ARHGAP15: variants seen among roughly 807,000 people sequenced by gnomAD.
ARHGAP15 encodes the protein Rho GTPase activating protein 15.
ARHGAP15 carries 51 observed loss-of-function variants against 63.7 expected under a neutral mutation model. That is an observed-to-expected ratio of 0.80 (90% confidence interval 0.64 to 1.01). ARHGAP15 has a LOEUF of 1.01. ARHGAP15 is among the 50% of genes least tolerant of loss of function. ARHGAP15 has a pLI of 0.00. For missense variants in ARHGAP15, 560 were observed against 564.6 expected, an observed-to-expected ratio of 0.99 and a Z score of 0.08; for synonymous variants, 191 against 193.8, an observed-to-expected ratio of 0.99 and a Z score of 0.12.
chr2:143,576,418 TA>T (rs1183508188), intron 11 of ARHGAP15, among the ~76,000 whole-genome samples: 1 of 152,090 alleles, frequency 6.6e-6, no homozygotes, highest in Non-Finnish European at 1.5e-5. Flanking sequence ...GATCCATCCA[TA>T]ATGGATCACA....
chr2:143,686,475 C>T (rs1289050188), intron 12 of ARHGAP15, among the ~76,000 whole-genome samples: 1 of 148,548 alleles, frequency 6.7e-6, no homozygotes, highest in Non-Finnish European at 1.5e-5. Context: ...AGGAATCCCA[C>T]TGTAATATGC....
chr2:143,606,802 G>C (rs918363162), intron 11 of ARHGAP15: 11 of 152,314 alleles, frequency 7.2e-5, no homozygotes, highest in African/African-American at 2.6e-4. Flanking sequence ...AGAAGCCAAA[G>C]GACCTGTGAT....
chr2:143,493,642 C>T (rs1692684211), intron 9 of ARHGAP15, among the ~76,000 whole-genome samples: 1 of 152,114 alleles, frequency 6.6e-6, no homozygotes, highest in South Asian at 2.1e-4. Context: ...CCACTCCTTG[C>T]TTTTTTCCCC....
At chr2:143,465,135 C>T (rs1015776027) in intron 8 of ARHGAP15, among the ~76,000 whole-genome samples, 1 of 152,038 alleles carries the variant, frequency 6.6e-6, no homozygotes, top group Non-Finnish European at 1.5e-5. Flanking sequence ...CCTTAACCTC[C>T]TCCTGTTTTT....
intron 6 of ARHGAP15, among the ~76,000 whole-genome samples, chr2:143,377,244 A>C (rs1558930491): frequency 1.3e-5 from 2 of 152,072 alleles, no homozygotes; most frequent in South Asian, 2.1e-4. Flanking sequence ...GAGAATTTTT[A>C]AGTAGGAAGA....
intron 8 of ARHGAP15, among the ~76,000 whole-genome samples, chr2:143,445,150 A>ATTTTT (rs1347400449): frequency 5.6e-5 from 4 of 71,336 alleles, no homozygotes; most frequent in African/African-American, 2.3e-4. Flanking sequence ...ATTAAGAACA[A>ATTTTT]TTATTTTTTT....
chr2:143,649,780 G>A (rs1681070802), intron 12 of ARHGAP15, among the ~76,000 whole-genome samples: 1 of 151,866 alleles, frequency 6.6e-6, no homozygotes, highest in Non-Finnish European at 1.5e-5. Context: ...CCAATACTGT[G>A]GAAATGCTAA....
chr2:143,470,699 G>GTATATATATATGTATATATGTGTA (rs71404473), intron 8 of ARHGAP15, among the ~76,000 whole-genome samples: 7,188 of 147,894 alleles, frequency 0.049, 334 homozygotes, highest in East Asian at 0.2. Flanking sequence ...GTATATATGT[G>GTATATATATATGTATATATGTGTA]TATATATATG....
intron 2 of ARHGAP15, among the ~76,000 whole-genome samples, chr2:143,170,374 T>G (rs962085050): frequency 6.6e-6 from 1 of 152,144 alleles, no homozygotes; most frequent in African/African-American, 2.4e-5. Flanking sequence ...AGAGACTACT[T>G]TGTATTTAAG....
intron 8 of ARHGAP15, among the ~76,000 whole-genome samples, chr2:143,461,305 AAC>A (rs1553484371): frequency 6.7e-6 from 1 of 150,194 alleles, no homozygotes; most frequent in African/African-American, 2.4e-5. Context: ...AAAAAAAAAA[AAC>A]AGAACTCAAG....
At chr2:143,254,034 G>A (rs913492884) in intron 6 of ARHGAP15, among the ~76,000 whole-genome samples, 7 of 152,134 alleles carry the variant, frequency 4.6e-5, no homozygotes, top group East Asian at 1.9e-4. Context: ...AGCTGGGTAC[G>A]CGTTTTCTTA....
intron 12 of ARHGAP15, among the ~76,000 whole-genome samples, chr2:143,652,073 C>T (rs1196868956): frequency 1.3e-5 from 2 of 152,002 alleles, no homozygotes; most frequent in African/African-American, 4.8e-5. Flanking sequence ...TTGATCTATA[C>T]ATCTAACTCA....
intron 5 of ARHGAP15, among the ~76,000 whole-genome samples, chr2:143,239,990 CAAAAAAAAAAA>C (rs60960176): frequency 2.3e-4 from 6 of 26,460 alleles, no homozygotes; most frequent in South Asian, 2.3e-3. Flanking sequence ...GACTCTGTCT[CAAAAAAAAAAA>C]AAAAAAAAAA....
chr2:143,266,198 C>T (rs1388506025), intron 6 of ARHGAP15, among the ~76,000 whole-genome samples: 2 of 152,058 alleles, frequency 1.3e-5, no homozygotes, highest in East Asian at 3.8e-4. Flanking sequence ...CCACTAAGTC[C>T]TTTGTTCCAC....
chr2:143,230,695 C>G (rs373911830), intron 5 of ARHGAP15, among the ~76,000 whole-genome samples: 11 of 152,268 alleles, frequency 7.2e-5, no homozygotes, highest in African/African-American at 2.2e-4. Context: ...CCATTTCTAA[C>G]CCAGTATTAA....
chr2:143,738,691 T>C (rs976306163), intron 13 of ARHGAP15, among the ~76,000 whole-genome samples: 1 of 152,260 alleles, frequency 6.6e-6, no homozygotes, highest in African/African-American at 2.4e-5. Flanking sequence ...TTTTTACTTG[T>C]TTCTATTTCT....
At chr2:143,692,909 C>G (rs577701505) in intron 12 of ARHGAP15, among the ~76,000 whole-genome samples, 1 of 152,102 alleles carries the variant, frequency 6.6e-6, no homozygotes, top group Admixed American at 6.5e-5. Context: ...GATACTGCAC[C>G]TCAGGTTAAA....
chr2:143,473,984 T>C (rs1266598345), intron 8 of ARHGAP15, among the ~76,000 whole-genome samples: 2 of 152,088 alleles, frequency 1.3e-5, no homozygotes, highest in African/African-American at 4.8e-5. Flanking sequence ...CGTTCAATAG[T>C]CCAAAAGTTC....
intron 5 of ARHGAP15, among the ~76,000 whole-genome samples, chr2:143,245,927 G>A (rs904614688): frequency 3.9e-5 from 6 of 152,146 alleles, no homozygotes; most frequent in African/African-American, 1.4e-4. Context: ...TTATTAGACA[G>A]ATGGGCCAGT....
Sources: gnomAD v4.1 joint callset for allele counts (sites outside exome capture counted in the v4.1 genomes callset) on GRCh38, gnomAD v4.1.1 for gene constraint, MANE v1.5 for transcripts, NCBI Gene and HGNC (gene_info 2026-07-23, HGNC 2026-07-21) for gene names.